The following SCRG1 variants were observed in gnomAD, a reference collection of about 807,000 sequenced individuals.
SCRG1 encodes the protein scrapie-responsive protein 1.
A neutral mutation model predicts 7.7 loss-of-function variants in SCRG1; 3 were observed. The observed-to-expected ratio is 0.39, with a 90% CI of 0.18 to 1.01. The LOEUF (loss-of-function observed/expected upper bound fraction) is 1.01, where lower values mean the gene tolerates loss of function less well. Among genes scored for constraint, SCRG1 ranks in the 50% least tolerant of loss-of-function variants. The pLI, the probability that SCRG1 is intolerant of heterozygous loss-of-function variation, is 0.36. For missense variants in SCRG1, 110 were observed against 117.2 expected (o/e 0.94, Z 0.28); for synonymous variants, 46 against 41.2 (o/e 1.12, Z -0.44).
At chr4:173,503,085 G>A in the SCRG1 span, among the ~76,000 whole-genome samples, 1 of 152,112 alleles carries the variant, frequency 6.6e-6, no homozygotes. This position sits in a 1 kb window ranked among gnomAD's most constrained non-coding sequence, Gnocchi z 6.4. Flanking sequence ...GTTCCCTACC[G>A]ACCAGGTCCC....
At chr4:173,425,508 T>G in the SCRG1 span, among the ~76,000 whole-genome samples, 2 of 152,232 alleles carry the variant, frequency 1.3e-5, no homozygotes, top group Non-Finnish European at 2.9e-5. Context: ...CTCTCACACA[T>G]ATACTGGATC....
chr4:173,488,135 T>TAA, the SCRG1 span, among the ~76,000 whole-genome samples: 1,431 of 99,946 alleles, frequency 0.014, 34 homozygotes, highest in African/African-American at 0.052. Flanking sequence ...ATAAATAAAT[T>TAA]TAAAAAATGG....
At chr4:173,414,797 A>G in the SCRG1 span, among the ~76,000 whole-genome samples, 10 of 152,182 alleles carry the variant, frequency 6.6e-5, no homozygotes. Flanking sequence ...TGACTCTTGT[A>G]AAGGTGCAAC....
At chr4:173,502,362 C>T in the SCRG1 span, among the ~76,000 whole-genome samples, 2 of 152,128 alleles carry the variant, frequency 1.3e-5, no homozygotes, top group Admixed American at 6.6e-5. The surrounding 1 kb of genome is among the most constrained non-coding windows in gnomAD (Gnocchi z 4.6). Context: ...TGAATAACCC[C>T]GAAGGCAGCA....
intron 1 of SCRG1, among the ~76,000 whole-genome samples, chr4:173,394,718 C>G (rs1739550500): frequency 6.6e-6 from 1 of 152,170 alleles, no homozygotes; most frequent in Non-Finnish European, 1.5e-5. Flanking sequence ...AAAAACTCTA[C>G]ACTTTTAATT....
At chr4:173,451,601 T>C in the SCRG1 span, among the ~76,000 whole-genome samples, 4 of 79,760 alleles carry the variant, frequency 5.0e-5, no homozygotes, top group African/African-American at 1.6e-4. Flanking sequence ...AGTGGTACCA[T>C]TTTATTTTAT....
the SCRG1 span, among the ~76,000 whole-genome samples, chr4:173,516,704 C>G: frequency 6.6e-6 from 1 of 152,192 alleles, no homozygotes; most frequent in Non-Finnish European, 1.5e-5. Context: ...CGGAGAAAGG[C>G]TTTTTGACCC....
the SCRG1 span, among the ~76,000 whole-genome samples, chr4:173,422,943 T>C: frequency 1.9e-4 from 29 of 152,132 alleles, no homozygotes; most frequent in Admixed American, 1.4e-3. Context: ...CTCTGTAGAG[T>C]CTTGGAATTT....
chr4:173,411,115 G>A (rs572454033), upstream of SCRG1, among the ~76,000 whole-genome samples: 39 of 152,276 alleles, frequency 2.6e-4, no homozygotes, highest in Middle Eastern at 3.4e-3. Context: ...GCAATTGCTC[G>A]TTGGCTACAT....
chr4:173,432,962 A>G, the SCRG1 span, among the ~76,000 whole-genome samples: 1 of 152,148 alleles, frequency 6.6e-6, no homozygotes, highest in African/African-American at 2.4e-5. Flanking sequence ...TTTTTTCTCT[A>G]ATGGTGTGGT....
the SCRG1 span, among the ~76,000 whole-genome samples, chr4:173,454,117 G>A: frequency 4.0e-5 from 6 of 151,488 alleles, no homozygotes; most frequent in Admixed American, 1.3e-4. Flanking sequence ...GAGGCTGTGC[G>A]ATCTAGGAAG....
the SCRG1 span, among the ~76,000 whole-genome samples, chr4:173,462,592 A>T: frequency 6.6e-6 from 1 of 152,210 alleles, no homozygotes; most frequent in Non-Finnish European, 1.5e-5. Flanking sequence ...AAGGATATTA[A>T]TGAGCCATAA....
chr4:173,479,525 C>T, the SCRG1 span, among the ~76,000 whole-genome samples: 1 of 148,662 alleles, frequency 6.7e-6, no homozygotes, highest in East Asian at 2.0e-4. Flanking sequence ...ACTGCAGCCT[C>T]TGCCTCCTGG....
chr4:173,443,181 A>G, the SCRG1 span, among the ~76,000 whole-genome samples: 1 of 152,184 alleles, frequency 6.6e-6, no homozygotes, highest in African/African-American at 2.4e-5. Context: ...AATGCTTTTC[A>G]GATCTTATGA....
At chr4:173,404,813 T>C (rs927250964) in intron 1 of SCRG1, among the ~76,000 whole-genome samples, 1 of 152,198 alleles carries the variant, frequency 6.6e-6, no homozygotes, top group Non-Finnish European at 1.5e-5. Context: ...TAATTGATTG[T>C]TTTTATTGCT....
the SCRG1 span, among the ~76,000 whole-genome samples, chr4:173,488,905 T>G: frequency 6.6e-6 from 1 of 152,156 alleles, no homozygotes; most frequent in South Asian, 2.1e-4. Flanking sequence ...TTACTGGAGT[T>G]TGAAAACAAT....
chr4:173,452,176 C>T, the SCRG1 span, among the ~76,000 whole-genome samples: 3 of 151,532 alleles, frequency 2.0e-5, no homozygotes, highest in African/African-American at 7.3e-5. Flanking sequence ...GCAGCGGTTG[C>T]AGTGAACTGA....
the SCRG1 span, among the ~76,000 whole-genome samples, chr4:173,459,133 C>A: frequency 6.6e-6 from 1 of 152,164 alleles, no homozygotes; most frequent in Non-Finnish European, 1.5e-5. Context: ...ATTGTTAGAT[C>A]TAAAGGGAGA....
chr4:173,482,757 G>A, the SCRG1 span, among the ~76,000 whole-genome samples: 2 of 151,262 alleles, frequency 1.3e-5, no homozygotes, highest in African/African-American at 4.9e-5. Context: ...GGTCAAGGCT[G>A]CAGTGAGCTA....
Sources: gnomAD v4.1 joint callset for allele counts (sites outside exome capture counted in the v4.1 genomes callset) on GRCh38, gnomAD v4.1.1 for gene constraint, Gnocchi (gnomAD v3.1) non-coding constraint, MANE v1.5 for transcripts, NCBI Gene and HGNC (gene_info 2026-07-23, HGNC 2026-07-21) for gene names.